SMPD3: variants seen among roughly 807,000 people sequenced by gnomAD.
SMPD3 encodes nSMase-2.
A neutral mutation model predicts 55.7 loss-of-function variants in SMPD3; 21 were observed. That is an observed-to-expected ratio of 0.38 (90% confidence interval 0.27 to 0.54). The LOEUF (loss-of-function observed/expected upper bound fraction) is 0.54, where lower values mean the gene tolerates loss of function less well. Ranked by LOEUF, SMPD3 falls within the 20% of genes least tolerant of loss-of-function variation. SMPD3 has a pLI of 0.80. For synonymous variants in SMPD3, 457 were observed against 404.3 expected, an observed-to-expected ratio of 1.13 and a Z score of -1.56; for missense variants, 842 against 899.6, an observed-to-expected ratio of 0.94 and a Z score of 0.82.
Position 68,358,709 on chromosome 16 carries a change from G to A in SMPD3, c.*2497C>T, listed in dbSNP as rs1011571564. ...CCTTCCTCAGTGGCCCCCGCGCCTT[G>A]TGGCTTCCTTTGAGACTGGGCCTAG... On this transcript the variant is annotated 3_prime_UTR_variant, in exon 9 of 9. Transcript: ENST00000219334. 6.6e-5 allele frequency: 10 copies of A among 152,576 alleles called. No individual in the cohort carries two copies. The highest frequency in any genetic ancestry group is 2.0e-4 in the Admixed American group (3 of 15,284). The allele number at this position is 152,576 out of a possible 1,614,324, so 9.5% of individuals were successfully genotyped here. A position where few individuals can be genotyped will look rare whatever the true frequency, so the allele number is the denominator to read the frequency against.
chr16:68,421,534 G>T (rs1027682298), intron 1 of SMPD3, among the ~76,000 whole-genome samples: 1 of 152,174 alleles, frequency 6.6e-6, no homozygotes, highest in Non-Finnish European at 1.5e-5. Flanking sequence ...TGACCAACCT[G>T]GCAGTGTTTG....
intron 1 of SMPD3, among the ~76,000 whole-genome samples, chr16:68,393,502 G>A (rs937463692): frequency 1.2e-4 from 19 of 152,232 alleles, no homozygotes; most frequent in Non-Finnish European, 1.8e-4. Context: ...CTCACTGGCA[G>A]TGGGGGTGGG....
Position 68,361,211 on chromosome 16 carries a change from C to T in SMPD3, c.1963G>A (p.Ala655Thr), listed in dbSNP as rs957904993. The change falls in exon 9 of 9, where the codon GCA (alanine) becomes ACA (threonine). Residue 655 changes from alanine to threonine, a missense_variant. Ala to Thr is a moderately conservative substitution (Grantham distance 58). Transcript: ENST00000219334. ...RLMVSSGEEE[A>T] ...GCCCCGCTGCTCCGGACGGTCTATGCCTCCTCCTCCCCCGAAGACACCATC... is the reference window on the plus strand; with the variant it reads ...GCCCCGCTGCTCCGGACGGTCTATGTCTCCTCCTCCCCCGAAGACACCATC... 6.2e-7 allele frequency: 1 copy of T among 1,612,912 alleles called. No individual in the cohort carries two copies.
In SMPD3 at chr16:68,404,353, G is replaced by A. The variant is rs569581549; in HGVS notation, c.-268-17694C>T. The stretch of plus-strand genomic sequence containing the variant: ...GACCTCAGGTGATCTGCCCGCCTCA[G>A]CCTCCCAAATTGCTGAGATTACAGG... On this transcript the variant is annotated intron_variant, in intron 1 of 8. Transcript: ENST00000219334. The surrounding 1 kb of genome is among the most constrained non-coding windows in gnomAD (Gnocchi z 4.0). Among the ~76,000 whole-genome samples, 34 of 152,158 alleles carry A rather than the reference G, an allele frequency of 2.2e-4. No individual in the cohort carries two copies. The East Asian group carries it at 6.6e-3, about 29-fold the overall frequency.
chr16:68,364,852 TCAGC>T lies in SMPD3; in HGVS notation c.1450_1453del (p.Ala484IlefsTer115). The stretch of plus-strand genomic sequence containing the variant: ...GGACGAGGAGGTAGATTTTCGGAAA[TCAGC>T]CAGCCAGTCCTGAAGCAGGTCCAGC... On this transcript the variant is annotated frameshift_variant, in exon 5 of 9. Coordinates refer to ENST00000219334, the MANE Select transcript of SMPD3 (RefSeq NM_018667.4). LOFTEE classifies it high-confidence loss of function. 1.2e-6 allele frequency: 2 copies of T among 1,613,794 alleles called. No homozygotes were observed. Among genetic ancestry groups the T allele is most frequent in the Non-Finnish European group, 1.7e-6 (2 of 1,180,004 alleles).
intron 1 of SMPD3, among the ~76,000 whole-genome samples, chr16:68,416,573 C>T (rs879936852): frequency 6.6e-6 from 1 of 152,250 alleles, no homozygotes; most frequent in Non-Finnish European, 1.5e-5. Context: ...TATTCTGCCT[C>T]GTCCTTGTAT....
At chr16:68,396,217 A>G (rs920316055) in intron 1 of SMPD3, among the ~76,000 whole-genome samples, 3 of 152,128 alleles carry the variant, frequency 2.0e-5, no homozygotes, top group Non-Finnish European at 2.9e-5. Context: ...ATTGGGCTGA[A>G]GCCTGTGATC....
At position 68,358,592 on chromosome 16, in the gene SMPD3, A is replaced by G. The variant is rs2151962969; in HGVS notation, c.*2614T>C. ...AAAGTTTTTATAACAGTATTTCTAA[A>G]TCTCAGCAAGTTAAAAAGCAATAGT... On this transcript the variant is annotated 3_prime_UTR_variant, in exon 9 of 9. Transcript: ENST00000219334. 6.5e-6 allele frequency: 1 copy of G among 152,812 alleles called. No individual in the cohort carries two copies. The highest frequency in any genetic ancestry group is 1.9e-4 in the East Asian group (1 of 5,330). The allele number at this position is 152,812 out of a possible 1,614,324, so 9.5% of individuals were successfully genotyped here.
intron 2 of SMPD3, among the ~76,000 whole-genome samples, chr16:68,385,062 G>A (rs1203078027): frequency 1.3e-5 from 2 of 152,164 alleles, no homozygotes; most frequent in African/African-American, 4.8e-5. Flanking sequence ...GCCTCTTGGG[G>A]ATATCAGAGA....
At chr16:68,409,775 A>G (rs1032631952) in intron 1 of SMPD3, among the ~76,000 whole-genome samples, 2 of 152,252 alleles carry the variant, frequency 1.3e-5, no homozygotes, top group Middle Eastern at 3.4e-3. Context: ...TTGTATTTTT[A>G]GTAGAGACGG....
At chr16:68,393,776 G>T (rs1460754530) in intron 1 of SMPD3, among the ~76,000 whole-genome samples, 1 of 152,104 alleles carries the variant, frequency 6.6e-6, no homozygotes, top group East Asian at 1.9e-4. Context: ...GTAAAAATCA[G>T]ATACTCTCCT....
Position 68,363,848 on chromosome 16 carries a change from T to G in SMPD3, c.1574A>C (p.Gln525Pro). The change falls in exon 6 of 9, where the codon CAA becomes CCA. Residue 525 changes from glutamine to proline, a missense_variant. Physicochemically the swap from Gln to Pro is moderately conservative, Grantham distance 76. This residue lies in a region of SMPD3 where 649 missense variants were observed against 643.6 expected (regional missense o/e 1.01). Transcript: ENST00000219334. ...CCTGTAGTGGGTGAACAGGGAGTGT[T>G]GCTGCTCCAGCTTGTCGTCTGTGCG... The part of the protein sequence containing the change: ...NCSSDDKLEQ[Q>P]HSLFTHYRDP... 2 of 1,567,162 alleles carry G rather than the reference T, an allele frequency of 1.3e-6. No individual in the cohort carries two copies. The highest frequency in any genetic ancestry group is 1.7e-6 in the Non-Finnish European group (2 of 1,155,850).
At chr16:68,364,544 T>TA (rs1169712866) in intron 5 of SMPD3, 1 of 607,516 alleles carries the variant, frequency 1.6e-6, no homozygotes, top group Non-Finnish European at 2.7e-6. Context: ...TTAGGGCATC[T>TA]CTGTCTCCAG....
At chr16:68,363,601 G>A (rs767110880) in intron 6 of SMPD3, 42 bp from the exon 7 acceptor site, 1 of 1,587,626 alleles carries the variant, frequency 6.3e-7, no homozygotes, top group Non-Finnish European at 8.6e-7. Context: ...TGCAGGCAGG[G>A]CCCAGGCAGC....
intron 1 of SMPD3, among the ~76,000 whole-genome samples, chr16:68,434,647 G>GT (rs1438723251): frequency 1.3e-5 from 2 of 152,196 alleles, no homozygotes; most frequent in East Asian, 3.9e-4. Context: ...CTTGTTTTAT[G>GT]TTTTTTGCAT....
At chr16:68,413,040 C>A (rs2090313798) in intron 1 of SMPD3, among the ~76,000 whole-genome samples, 2 of 152,234 alleles carry the variant, frequency 1.3e-5, no homozygotes, top group African/African-American at 2.4e-5. Context: ...CCAGCTCATG[C>A]CGCTAATGCT....
At chr16:68,397,271 C>G (rs971874687) in intron 1 of SMPD3, among the ~76,000 whole-genome samples, 1 of 152,228 alleles carries the variant, frequency 6.6e-6, no homozygotes, top group Non-Finnish European at 1.5e-5. Context: ...CTGCCTCCTC[C>G]TCTGTCCCAG....
Position 68,370,957 on chromosome 16 carries a change from AGAG to A in SMPD3, c.1222_1224del (p.Leu408del). 2 of 1,614,044 alleles carry A rather than the reference AGAG, an allele frequency of 1.2e-6. No individual in the cohort carries two copies. The highest frequency in any genetic ancestry group is 1.7e-6 in the Non-Finnish European group (2 of 1,180,008). Reference sequence around the variant, plus strand: ...TCCATGATGGGGTAGCGGCTGGCAAAGAGGAGGCCGCTGTTGAGACACTTGAAG... The same window carrying A: ...TCCATGATGGGGTAGCGGCTGGCAAAGAGGCCGCTGTTGAGACACTTGAAG... On this transcript the variant is annotated inframe_deletion, in exon 3 of 9. Coordinates refer to ENST00000219334, the MANE Select transcript of SMPD3 (RefSeq NM_018667.4).
chr16:68,381,148 G>A (rs1406006377), intron 2 of SMPD3, among the ~76,000 whole-genome samples: 1 of 152,226 alleles, frequency 6.6e-6, no homozygotes, highest in Non-Finnish European at 1.5e-5. Context: ...AGGCGGCTGG[G>A]CTTTTTGGAC....
Sources: allele counts gnomAD v4.1 joint callset (sites outside exome capture counted in the v4.1 genomes callset), GRCh38; gene constraint gnomAD v4.1.1; regional missense constraint gnomAD v4.1.1; non-coding constraint Gnocchi (gnomAD v3.1); transcripts MANE v1.5; gene names NCBI Gene and HGNC (gene_info 2026-07-23, HGNC 2026-07-21).